The following TCAIM variants were observed in gnomAD, a reference collection of about 807,000 sequenced individuals.
TCAIM encodes the protein T cell activation inhibitor, mitochondrial.
Under a neutral mutation model 58.6 loss-of-function variants are expected in TCAIM, and 36 were observed. The ratio of observed to expected loss-of-function variants is 0.61; its 90% confidence interval spans 0.47 to 0.81. The LOEUF (loss-of-function observed/expected upper bound fraction) is 0.81. Ranked by LOEUF, TCAIM falls within the 30% of genes least tolerant of loss-of-function variation. The pLI is 0.00. For missense variants in TCAIM, 466 were observed against 579.6 expected (o/e 0.80, Z 2.01); for synonymous variants, 172 against 193.6 (o/e 0.89, Z 0.93).
intron 1 of TCAIM, among the ~76,000 whole-genome samples, chr3:44,351,538 A>C (rs745864680): frequency 6.6e-6 from 1 of 151,986 alleles, no homozygotes; most frequent in Non-Finnish European, 1.5e-5. Flanking sequence ...TCTGTTGCCC[A>C]GGCTGGAGTG....
intron 5 of TCAIM, among the ~76,000 whole-genome samples, chr3:44,384,656 G>T (rs192064600): frequency 7.9e-5 from 12 of 152,322 alleles, no homozygotes; most frequent in Non-Finnish European, 1.5e-4. Context: ...GTTTTTGCTT[G>T]ATGTGGGAAC....
chr3:44,397,882 G>A (rs933431283), intron 8 of TCAIM, among the ~76,000 whole-genome samples: 2 of 151,882 alleles, frequency 1.3e-5, no homozygotes, highest in African/African-American at 4.8e-5. Context: ...ATATTTATTT[G>A]GTAGAAATAT....
chr3:44,383,596 A>C (rs1379855769), intron 5 of TCAIM, among the ~76,000 whole-genome samples: 1 of 152,142 alleles, frequency 6.6e-6, no homozygotes, highest in Non-Finnish European at 1.5e-5. Context: ...GTTGGGCAAG[A>C]TGAAAAGAGT....
intron 1 of TCAIM, among the ~76,000 whole-genome samples, chr3:44,344,270 T>A (rs1315280902): frequency 6.6e-6 from 1 of 152,110 alleles, no homozygotes; most frequent in Admixed American, 6.5e-5. Context: ...GTGCTATGAT[T>A]ACAGGGATGA....
At chr3:44,356,217 G>C (rs12631963) in intron 2 of TCAIM, among the ~76,000 whole-genome samples, 22,394 of 152,188 alleles carry the variant, frequency 0.15, 1,694 homozygotes, top group Admixed American at 0.17. Context: ...GCAATGTTTA[G>C]AGACTTCATT....
At chr3:44,395,404 C>T (rs894980176) in intron 6 of TCAIM, among the ~76,000 whole-genome samples, 9 of 152,166 alleles carry the variant, frequency 5.9e-5, no homozygotes, top group African/African-American at 2.2e-4. Context: ...TCATTTGATG[C>T]CTACTATCTG....
At chr3:44,344,334 A>G (rs1700919793) in intron 1 of TCAIM, among the ~76,000 whole-genome samples, 2 of 152,236 alleles carry the variant, frequency 1.3e-5, no homozygotes, top group South Asian at 4.1e-4. Context: ...AATGTGCTAC[A>G]TAATTCCATC....
Position 44,366,531 on chromosome 3 carries a change from T to A in TCAIM, c.320-925T>A, listed in dbSNP as rs1701379092. Among the ~76,000 whole-genome samples, 3 of 146,786 alleles carry A rather than the reference T, an allele frequency of 2.0e-5. No individual in the cohort carries two copies. In the Admixed American group the frequency reaches 2.1e-4, roughly 10 times the overall value. On this transcript the variant is annotated intron_variant, in intron 4 of 10. Transcript: ENST00000342649. ...CCCAGGTTGGAGTGCAGTGGCACGA[T>A]CTCGGCTCACTGCAAGCTCCGCCTC... is the stretch of plus-strand genomic sequence containing the variant.
intron 5 of TCAIM, among the ~76,000 whole-genome samples, chr3:44,381,122 C>T (rs563277691): frequency 2.8e-4 from 43 of 152,256 alleles, no homozygotes; most frequent in African/African-American, 1.0e-3. Flanking sequence ...TCTGTGAGAG[C>T]ATTACCCTGA....
intron 1 of TCAIM, chr3:44,340,355 T>G (rs1700831763): frequency 6.6e-6 from 1 of 152,228 alleles, no homozygotes; most frequent in African/African-American, 2.4e-5. Context: ...TGTCTTGAAG[T>G]GATAAAATTG....
At chr3:44,363,965 T>C (rs1701331373) in intron 4 of TCAIM, among the ~76,000 whole-genome samples, 1 of 142,556 alleles carries the variant, frequency 7.0e-6, no homozygotes, top group Non-Finnish European at 1.5e-5. Flanking sequence ...AGTCTCACTC[T>C]GTTGCCAGGT....
intron 1 of TCAIM, among the ~76,000 whole-genome samples, chr3:44,350,401 C>G (rs1701063141): frequency 6.6e-6 from 1 of 152,038 alleles, no homozygotes; most frequent in Non-Finnish European, 1.5e-5. Context: ...ACAATTACCT[C>G]CCGAAGGCCC....
At chr3:44,369,169 C>T (rs1438032773) in intron 5 of TCAIM, among the ~76,000 whole-genome samples, 1 of 152,156 alleles carries the variant, frequency 6.6e-6, no homozygotes, top group Non-Finnish European at 1.5e-5. Flanking sequence ...TTTCTCTGAG[C>T]ACAAACTGGA....
At chr3:44,399,400 AT>A (rs1447954991) in intron 8 of TCAIM, among the ~76,000 whole-genome samples, 2 of 152,208 alleles carry the variant, frequency 1.3e-5, no homozygotes, top group Admixed American at 6.5e-5. Context: ...ATTATAAATA[AT>A]TTGTAGAATT....
chr3:44,389,109 G>A (rs1259487504), intron 5 of TCAIM, among the ~76,000 whole-genome samples: 13 of 152,190 alleles, frequency 8.5e-5, no homozygotes, highest in Non-Finnish European at 1.8e-4. Flanking sequence ...GGCCAATATG[G>A]TGAAGCCCCA....
At position 44,345,423 on chromosome 3, in the gene TCAIM, T is replaced by G. The variant is rs1037514256; in HGVS notation, c.-45+6589T>G. Among the ~76,000 whole-genome samples the G allele has an allele frequency of 4.6e-5, 7 of 152,314 alleles. No homozygotes were observed. In the South Asian group the frequency reaches 1.4e-3, roughly 32 times the overall value. ...AAGGGGGTTCAGCATAATTACTTGC[T>G]TGGTTGGCAAGTTTTTGGGCTCTAT... On this transcript the variant is annotated intron_variant, in intron 1 of 10. Coordinates refer to ENST00000342649, the MANE Select transcript of TCAIM (RefSeq NM_173826.4).
chr3:44,388,022 A>C (rs147108091), intron 5 of TCAIM, among the ~76,000 whole-genome samples: 2,404 of 151,598 alleles, frequency 0.016, 25 homozygotes, highest in African/African-American at 0.029. Context: ...CATTCTCTCT[A>C]TATATATATA....
intron 5 of TCAIM, among the ~76,000 whole-genome samples, chr3:44,374,903 T>G (rs906316443): frequency 1.3e-5 from 2 of 152,214 alleles, no homozygotes; most frequent in African/African-American, 4.8e-5. Flanking sequence ...AATTTTAACT[T>G]TATTGTAATT....
chr3:44,351,633 T>TA (rs1413486074), intron 1 of TCAIM, among the ~76,000 whole-genome samples: 2 of 151,956 alleles, frequency 1.3e-5, no homozygotes, highest in African/African-American at 4.8e-5. Flanking sequence ...TAGCTGGGAT[T>TA]ACAGGGTCCC....
Sources: gnomAD v4.1 joint callset for allele counts (sites outside exome capture counted in the v4.1 genomes callset) on GRCh38, gnomAD v4.1.1 for gene constraint, MANE v1.5 for transcripts, NCBI Gene and HGNC (gene_info 2026-07-23, HGNC 2026-07-21) for gene names.